CYRIA: variants seen among roughly 807,000 people sequenced by gnomAD.
CYRIA encodes the protein CYFIP-related Rac1 interactor A.
In CYRIA, 15 loss-of-function variants were observed where a neutral mutation model predicts 43.9. That is an observed-to-expected ratio of 0.34 (90% CI 0.23 to 0.53). The LOEUF is 0.53. Among genes scored for constraint, CYRIA ranks in the 20% least tolerant of loss-of-function variants. The pLI, the probability that CYRIA is intolerant of heterozygous loss-of-function variation, is 0.94. For synonymous variants in CYRIA, 117 were observed against 136.0 expected (o/e 0.86, Z 0.97); for missense variants, 236 against 394.2 (o/e 0.60, Z 3.40).
chr2:16,588,960 T>C (rs575961433), intron 2 of CYRIA, among the ~76,000 whole-genome samples: 12 of 152,210 alleles, frequency 7.9e-5, no homozygotes, highest in South Asian at 2.1e-4. Context: ...AGTCTCAACC[T>C]AATAAAAAGA....
rs527379843 is a variant in CYRIA at position 16,602,234 on chromosome 2, T to A, written c.-10-14105A>T. ...CTATCAGAAGGGATAGATTTTCTTATCATTTTGAATGACCCAATACCTTCC... is the reference window on the plus strand; with the variant it reads ...CTATCAGAAGGGATAGATTTTCTTAACATTTTGAATGACCCAATACCTTCC... On this transcript the variant is annotated intron_variant, in intron 2 of 11. Coordinates refer to ENST00000381323, the MANE Select transcript of CYRIA (RefSeq NM_030797.4). 2.0e-5 allele frequency among the ~76,000 whole-genome samples: 3 copies of A among 152,302 alleles called. No individual in the cohort carries two copies. The South Asian group carries it at 6.2e-4, about 32-fold the overall frequency.
intron 8 of CYRIA, 33 bp from the exon 9 acceptor site, chr2:16,561,102 G>T (rs1271589196): frequency 6.2e-7 from 1 of 1,610,130 alleles, no homozygotes; most frequent in South Asian, 1.1e-5. Flanking sequence ...CATTAGTCCT[G>T]CTTGCAGCTC....
At chr2:16,565,802 G>T (rs750169542) in intron 3 of CYRIA, 35 bp from the exon 4 acceptor site, 1 of 1,508,288 alleles carries the variant, frequency 6.6e-7, no homozygotes, top group Non-Finnish European at 9.0e-7. Context: ...CAGAGTGCTG[G>T]TGTTTACAAA....
At chr2:16,655,159 G>GA (rs1292510213) in intron 1 of CYRIA, among the ~76,000 whole-genome samples, 1 of 152,168 alleles carries the variant, frequency 6.6e-6, no homozygotes, top group Admixed American at 6.5e-5. Flanking sequence ...CCCAAGTGAT[G>GA]AAAGAGGAAA....
intron 2 of CYRIA, among the ~76,000 whole-genome samples, chr2:16,606,181 A>T (rs1668389924): frequency 6.6e-6 from 1 of 151,712 alleles, no homozygotes; most frequent in Admixed American, 6.6e-5. Flanking sequence ...CTCACTTTCC[A>T]CTCTTTCCAA....
At position 16,559,450 on chromosome 2, in the gene CYRIA, C is replaced by G. The variant is rs749362007; in HGVS notation, c.837+10G>C. 6.2e-7 allele frequency: 1 copy of G among 1,610,914 alleles called. No individual in the cohort carries two copies. Among genetic ancestry groups the G allele is most frequent in the South Asian group, 1.1e-5 (1 of 90,724 alleles). On this transcript the variant is annotated intron_variant, in intron 10 of 11. Transcript: ENST00000381323. ...CTTATTTGGAAAGCACATTTCACAA[C>G]TATTCTTACATCGATCTTGGATGTC... is the stretch of plus-strand genomic sequence containing the variant.
At chr2:16,593,697 T>TG (rs1668007620) in intron 2 of CYRIA, among the ~76,000 whole-genome samples, 2 of 114,000 alleles carry the variant, frequency 1.8e-5, no homozygotes, top group African/African-American at 8.8e-5. Flanking sequence ...TGTGTGTGTG[T>TG]GTTTTTTTTT....
intron 1 of CYRIA, among the ~76,000 whole-genome samples, chr2:16,632,656 A>G (rs1669364401): frequency 6.6e-6 from 1 of 152,228 alleles, no homozygotes; most frequent in Non-Finnish European, 1.5e-5. Context: ...GGGAAAATGA[A>G]AAACTTCCAT....
At chr2:16,665,151 C>A (rs1229135456) in intron 1 of CYRIA, among the ~76,000 whole-genome samples, 1 of 152,160 alleles carries the variant, frequency 6.6e-6, no homozygotes, top group Non-Finnish European at 1.5e-5. Context: ...CTGGGACCAG[C>A]ATTTTGGGAA....
rs1175154620 is a variant in CYRIA, at chr2:16,650,602, C to G, written c.-167+15178G>C. 6.6e-6 allele frequency among the ~76,000 whole-genome samples: 1 copy of G among 152,204 alleles called. No homozygotes were observed. Among genetic ancestry groups the G allele is most frequent in the African/African-American group, 2.4e-5 (1 of 41,446 alleles). On this transcript the variant is annotated intron_variant, in intron 1 of 11. Transcript: ENST00000381323. The surrounding 1 kb of genome is among the most constrained non-coding windows in gnomAD (Gnocchi z 4.1). ...CACTCAGAGGCTCCACAAAGCAACC[C>G]TAAACATCTCAGAGAGACTGGATGC...
chr2:16,619,433 C>T (rs769317692), intron 2 of CYRIA, among the ~76,000 whole-genome samples: 7 of 152,080 alleles, frequency 4.6e-5, no homozygotes, highest in Middle Eastern at 3.2e-3. Context: ...CCAAGAGTTC[C>T]ACCCCAAGAG....
intron 1 of CYRIA, among the ~76,000 whole-genome samples, chr2:16,659,685 G>A (rs1488199475): frequency 6.6e-6 from 1 of 152,234 alleles, no homozygotes; most frequent in Admixed American, 6.5e-5. Context: ...GGTTGCCAAT[G>A]CGAATGAGAG....
At chr2:16,586,424 C>T (rs1002981819) in intron 3 of CYRIA, among the ~76,000 whole-genome samples, 1 of 151,692 alleles carries the variant, frequency 6.6e-6, no homozygotes, top group Non-Finnish European at 1.5e-5. Context: ...AAAAGTTAAA[C>T]CAGTAAAAAG....
chr2:16,562,052 C>T lies in CYRIA; in HGVS notation c.388G>A (p.Glu130Lys). The T allele has an allele frequency of 6.2e-7, 1 of 1,613,506 alleles. No homozygotes were observed. Among genetic ancestry groups the T allele is most frequent in the Non-Finnish European group, 8.5e-7 (1 of 1,179,590 alleles). The change falls in exon 6 of 12, where the codon GAG (glutamate) becomes AAG (lysine). Residue 130 changes from glutamate (E) to lysine (K), a missense_variant. By Grantham distance (56) the Glu-to-Lys change is moderately conservative. Coordinates refer to ENST00000381323, the MANE Select transcript of CYRIA (RefSeq NM_030797.4). ...GTAAAATGTAAAATTTCGGCAAACT[C>T]CTTTGCCAGGGCCTGTTCCCTTTCC... Reference protein sequence around the residue: ...HLEREQALAKEFAEILHFTLR... With the variant: ...HLEREQALAKKFAEILHFTLR...
chr2:16,568,148 T>C (rs1286436152), intron 3 of CYRIA, among the ~76,000 whole-genome samples: 1 of 150,328 alleles, frequency 6.7e-6, no homozygotes, highest in Non-Finnish European at 1.5e-5. Context: ...AAGAAAATTC[T>C]CACTGGAGTA....
chr2:16,555,156 C>T lies in CYRIA; in HGVS notation c.838-17G>A, dbSNP rs374238200. ...GCCTTTCATCTAGGAGGAGAAAGCA[C>T]AATGTTTGTTAATATCTTAGTAATA... On this transcript the variant is annotated splice_polypyrimidine_tract_variant and intron_variant, in intron 10 of 11. Coordinates refer to ENST00000381323, the MANE Select transcript of CYRIA (RefSeq NM_030797.4). 1.4e-5 allele frequency: 23 copies of T among 1,607,604 alleles called. No individual in the cohort carries two copies. Among genetic ancestry groups the T allele is most frequent in the African/African-American group, 9.4e-5 (7 of 74,776 alleles).
chr2:16,562,029 A>G lies in CYRIA; in HGVS notation c.411T>C (p.Phe137=). ...CCTTCAGCTCATCGAATCGAAGGGT[A>G]AAATGTAAAATTTCGGCAAACTCCT... is the stretch of plus-strand genomic sequence containing the variant. ...LAKEFAEILH[F]TLRFDELKMR... is the part of the protein sequence containing the mutation. The change falls in exon 6 of 12, where the codon TTT becomes TTC. Residue 137 remains phenylalanine, a synonymous_variant. Transcript: ENST00000381323. 1 of 1,613,490 alleles carries G rather than the reference A, an allele frequency of 6.2e-7. No homozygotes were observed. Among genetic ancestry groups the G allele is most frequent in the Admixed American group, 1.7e-5 (1 of 59,954 alleles).
chr2:16,551,714 A>G lies in CYRIA; in HGVS notation c.*1222T>C, dbSNP rs530479568. Reference sequence around the variant, plus strand: ...ACTACGTACTAAGGAAGAAGGGCGGAGTCAGTCATTTTATCGGCATTAACC... The same window carrying G: ...ACTACGTACTAAGGAAGAAGGGCGGGGTCAGTCATTTTATCGGCATTAACC... On this transcript the variant is annotated 3_prime_UTR_variant, in exon 12 of 12. Coordinates refer to ENST00000381323, the MANE Select transcript of CYRIA (RefSeq NM_030797.4). 1 of 152,148 alleles carries G rather than the reference A, an allele frequency of 6.6e-6. No individual in the cohort carries two copies. The highest frequency in any genetic ancestry group is 2.1e-4 in the South Asian group (1 of 4,824). The allele number at this position is 152,148 out of a possible 1,614,324, so 9.4% of individuals were successfully genotyped here. A position where few individuals can be genotyped will look rare whatever the true frequency, so the allele number is the denominator to read the frequency against.
At chr2:16,664,613 G>A (rs562287613) in intron 1 of CYRIA, among the ~76,000 whole-genome samples, 1 of 152,282 alleles carries the variant, frequency 6.6e-6, no homozygotes, top group Non-Finnish European at 1.5e-5. Context: ...CTGGCTAGCA[G>A]CCACTCTCCT....
Sources: allele counts gnomAD v4.1 joint callset (sites outside exome capture counted in the v4.1 genomes callset), GRCh38; gene constraint gnomAD v4.1.1; non-coding constraint Gnocchi (gnomAD v3.1); transcripts MANE v1.5; gene names NCBI Gene and HGNC (gene_info 2026-07-23, HGNC 2026-07-21).